Variants in CGN observed in about 807,000 individuals in gnomAD.
CGN encodes the protein cingulin.
CGN carries 121 observed loss-of-function variants against 157.1 expected under a neutral mutation model. That is an observed-to-expected ratio of 0.77 (90% confidence interval 0.66 to 0.90). The LOEUF (loss-of-function observed/expected upper bound fraction) is 0.90, where lower values mean the gene tolerates loss of function less well. CGN is among the 40% of genes least tolerant of loss of function. CGN has a pLI of 0.00. For missense variants in CGN, 1,424 were observed against 1,520.9 expected (o/e 0.94, Z 1.06); for synonymous variants, 535 against 607.5 (o/e 0.88, Z 1.76).
Position 151,524,488 on chromosome 1 carries a change from G to C in CGN, c.1401+130G>C. The C allele has an allele frequency of 7.1e-7, 1 of 1,400,978 alleles. No individual in the cohort carries two copies. The highest frequency in any genetic ancestry group is 1.3e-5 in the South Asian group (1 of 77,232). 86.8% of individuals were successfully genotyped at this position (1,400,978 alleles called of 1,614,324 possible). On this transcript the variant is annotated intron_variant, in intron 7 of 20. Coordinates refer to ENST00000271636, the MANE Select transcript of CGN (RefSeq NM_020770.3). The surrounding 1 kb of genome is among the most constrained non-coding windows in gnomAD (Gnocchi z 4.4). ...ATTACAGGTACTCAGTGTGCTTTCA[G>C]GTAGATTCAATGGTGTGTTGGGACT...
rs1014289206 is a variant in CGN at position 151,511,923 on chromosome 1, C to G, written c.-15+408C>G. Among the ~76,000 whole-genome samples, 8 of 152,288 alleles carry G rather than the reference C, an allele frequency of 5.3e-5. No homozygotes were observed. The highest frequency in any genetic ancestry group is 1.9e-4 in the African/African-American group (8 of 41,568). On this transcript the variant is annotated intron_variant, in intron 1 of 20. Coordinates refer to ENST00000271636, the MANE Select transcript of CGN (RefSeq NM_020770.3). This position sits in a 1 kb window ranked among gnomAD's most constrained non-coding sequence, Gnocchi z 4.8. Reference sequence around the variant, plus strand: ...GAGGTGCAGACTCGCCAGGGGAGGGCATCTGCAGGTGCTGCTCGCCTGAGG... The same window carrying G: ...GAGGTGCAGACTCGCCAGGGGAGGGGATCTGCAGGTGCTGCTCGCCTGAGG...
intron 18 of CGN, 27 bp from the exon 19 acceptor site, chr1:151,536,210 C>G: frequency 7.2e-7 from 1 of 1,393,150 alleles, no homozygotes. Context: ...TGGGGACACT[C>G]ATAGACATTC....
chr1:151,533,846 A>G lies in CGN; in HGVS notation c.2743-129A>G, dbSNP rs556987142. 5.8e-4 allele frequency: 475 copies of G among 818,994 alleles called. 2 individuals carry two copies. In the African/African-American group the frequency reaches 7.6e-3, roughly 13 times the overall value. The allele number at this position is 818,994 out of a possible 1,614,324, so 50.7% of individuals were successfully genotyped here. ...AAAAGTCAGTTTGCTTTTTATTGTCATCATGCCACTGGTAATTCTAAAGAG... is the reference window on the plus strand; with the variant it reads ...AAAAGTCAGTTTGCTTTTTATTGTCGTCATGCCACTGGTAATTCTAAAGAG... On this transcript the variant is annotated intron_variant, in intron 14 of 20. Coordinates refer to ENST00000271636, the MANE Select transcript of CGN (RefSeq NM_020770.3).
chr1:151,515,134 C>G (rs1252965215), intron 1 of CGN, among the ~76,000 whole-genome samples: 1 of 151,888 alleles, frequency 6.6e-6, no homozygotes, highest in Non-Finnish European at 1.5e-5. Flanking sequence ...TCCCCAGTAG[C>G]TGGGATTCCA....
At chr1:151,516,136 G>A (rs1243028624) in intron 1 of CGN, among the ~76,000 whole-genome samples, 1 of 152,144 alleles carries the variant, frequency 6.6e-6, no homozygotes, top group Admixed American at 6.5e-5. Context: ...GTCACCTGTA[G>A]CTCTGCCTCT....
chr1:151,536,946 A>G, intron 20 of CGN, 53 bp downstream of exon 20: 1 of 1,579,726 alleles, frequency 6.3e-7, no homozygotes, highest in Middle Eastern at 2.1e-4. Context: ...GCAGGGAGGG[A>G]ATGGTCTCTC....
rs1193599745 is a variant in CGN at position 151,537,317 on chromosome 1, G to A, written c.3583G>A (p.Glu1195Lys). 6.2e-7 allele frequency: 1 copy of A among 1,614,072 alleles called. No homozygotes were observed. Among genetic ancestry groups the A allele is most frequent in the African/African-American group, 1.3e-5 (1 of 75,026 alleles). Residue 1195 changes from glutamate to lysine, a missense_variant, in exon 21 of 21, where the codon GAG (glutamate) becomes AAG (lysine). By Grantham distance (56) the Glu-to-Lys change is moderately conservative. Coordinates refer to ENST00000271636, the MANE Select transcript of CGN (RefSeq NM_020770.3). ...DPSSIASLLT[E>K]SNLQTSSC is the part of the protein sequence containing the mutation. ...CTCGTCCATTGCATCACTGCTTACG[G>A]AGAGCAACCTACAGACCAGCTCCTG... is the stretch of plus-strand genomic sequence containing the variant.
At chr1:151,537,077 A>T in intron 20 of CGN, 128 bp from the exon 21 acceptor site, 1 of 1,238,592 alleles carries the variant, frequency 8.1e-7, no homozygotes, top group Non-Finnish European at 1.1e-6. Context: ...CCCAAATCTG[A>T]TTAGTTGGGG....
chr1:151,520,208 G>GC lies in CGN; in HGVS notation c.920dup (p.Pro308ThrfsTer23). On this transcript the variant is annotated frameshift_variant, in exon 3 of 21. Transcript: ENST00000271636. LOFTEE classifies it high-confidence loss of function. The stretch of plus-strand genomic sequence containing the variant: ...CCTCCTTCGAGACCAGCAGGAGGCA[G>GC]CCCCACCAGGCAGTGTGGACCATAT... 6.2e-7 allele frequency: 1 copy of GC among 1,613,662 alleles called. No homozygotes were observed. Among genetic ancestry groups the GC allele is most frequent in the Non-Finnish European group, 8.5e-7 (1 of 1,179,924 alleles).
At chr1:151,536,702 A>G in intron 19 of CGN, 28 bp from the exon 20 acceptor site, 1 of 1,612,190 alleles carries the variant, frequency 6.2e-7, no homozygotes, top group South Asian at 1.1e-5. Context: ...GATGCTATTC[A>G]GATGTGTGGA....
In CGN at chr1:151,536,276, G is replaced by A. The variant is rs1441136044; in HGVS notation, c.3237G>A (p.Glu1079=). ...TVLQSTNRKL[E]RKVKELSIQI... is the part of the protein sequence containing the mutation. ...TGCAGTCTACCAATCGAAAACTGGA[G>A]CGGAAAGTTAAAGAACTATCCATCC... Residue 1079 remains glutamate (E), a synonymous_variant, in exon 19 of 21, where the codon GAG becomes GAA. Coordinates refer to ENST00000271636, the MANE Select transcript of CGN (RefSeq NM_020770.3). 1 of 1,612,686 alleles carries A rather than the reference G, an allele frequency of 6.2e-7. No individual in the cohort carries two copies. The highest frequency in any genetic ancestry group is 8.5e-7 in the Non-Finnish European group (1 of 1,178,698).
rs769276476 is a variant in CGN at position 151,527,019 on chromosome 1, T to C, written c.1808T>C (p.Leu603Pro). Residue 603 changes from leucine to proline, a missense_variant, in exon 10 of 21, where the codon CTT becomes CCT. By Grantham distance (98) the Leu-to-Pro change is moderately conservative. Transcript: ENST00000271636. ...RMEKEEMEEELGEKIEVLQRE... is the reference protein window; with the variant it reads ...RMEKEEMEEEPGEKIEVLQRE... ...GAGAAGGAGGAGATGGAAGAGGAGC[T>C]TGGAGAGAAGATAGAGGTCTTGCAG... 1.2e-6 allele frequency: 2 copies of C among 1,614,090 alleles called. No homozygotes were observed. The highest frequency in any genetic ancestry group is 1.7e-5 in the Admixed American group (1 of 60,004).
In CGN at chr1:151,511,426, G is replaced by A; in HGVS notation, c.-104G>A. On this transcript the variant is annotated 5_prime_UTR_variant, in exon 1 of 21. In the 5' UTR this introduces an upstream ATG that the reference lacks. Coordinates refer to ENST00000271636, the MANE Select transcript of CGN (RefSeq NM_020770.3). The surrounding 1 kb of genome is among the most constrained non-coding windows in gnomAD (Gnocchi z 4.8). Reference sequence around the variant, plus strand: ...ACGAGGGGGAGGGCCGGAGCTGCGCGTGCTGCTTTGCCCGAGCCCGAGCCC... The same window carrying A: ...ACGAGGGGGAGGGCCGGAGCTGCGCATGCTGCTTTGCCCGAGCCCGAGCCC... The A allele has an allele frequency of 7.4e-6, 1 of 135,452 alleles. No homozygotes were observed. The highest frequency in any genetic ancestry group is 1.5e-5 in the Non-Finnish European group (1 of 65,870). The allele number at this position is 135,452 out of a possible 1,614,324, so 8.4% of individuals were successfully genotyped here. A position where few individuals can be genotyped will look rare whatever the true frequency, so the allele number is the denominator to read the frequency against.
intron 10 of CGN, 136 bp from the exon 11 acceptor site, chr1:151,529,214 A>C: frequency 1.5e-6 from 1 of 676,000 alleles, no homozygotes; most frequent in Non-Finnish European, 2.5e-6. Context: ...ACTTTTTGAG[A>C]AACTGCCAAA....
At chr1:151,526,377 A>G (rs987235279) in intron 9 of CGN, among the ~76,000 whole-genome samples, 1 of 150,688 alleles carries the variant, frequency 6.6e-6, no homozygotes, top group African/African-American at 2.5e-5. Flanking sequence ...GGGTTTCACC[A>G]TATTGGCCAG....
rs201806613 is a variant in CGN, at chr1:151,520,686, G to T, written c.1135G>T (p.Val379Leu). ...GCTACAGCGAAAGCTGGATGAAGAG[G>T]TGAAGGTAAGGAAAGGTTAGAGGTG... is the stretch of plus-strand genomic sequence containing the variant. ...EELQRKLDEE[V>L]KKRQKLEPSQ... is the part of the protein sequence containing the mutation. The change falls in exon 5 of 21, where the codon GTG (valine) becomes TTG (leucine). Residue 379 changes from valine (V) to leucine (L), a missense_variant. Around this residue, in one of 3 missense-constraint regions of CGN, gnomAD observed 1,187 missense variants for 1,217.6 expected, o/e 0.97. Transcript: ENST00000271636. 2.5e-6 allele frequency: 4 copies of T among 1,613,010 alleles called. No individual in the cohort carries two copies. In the African/African-American group the frequency reaches 5.3e-5, roughly 22 times the overall value.
In CGN at chr1:151,529,440, G is replaced by A; in HGVS notation, c.1987G>A (p.Glu663Lys). The stretch of plus-strand genomic sequence containing the variant: ...TGGGCGACACCGGGACCGGGAGTTG[G>A]AGAAGCAGCTGGCGGTCCTGAGGGT... ...VAGRHRDREL[E>K]KQLAVLRVEA... Residue 663 changes from glutamate (E) to lysine (K), a missense_variant, in exon 11 of 21, where the codon GAG (glutamate) becomes AAG (lysine). By Grantham distance (56) the Glu-to-Lys change is moderately conservative. This residue lies in a region of CGN where 1,187 missense variants were observed against 1,217.6 expected (regional missense o/e 0.97). Transcript: ENST00000271636. 6.2e-7 allele frequency: 1 copy of A among 1,613,924 alleles called. No homozygotes were observed. The highest frequency in any genetic ancestry group is 8.5e-7 in the Non-Finnish European group (1 of 1,179,944).
chr1:151,527,196 A>C, intron 10 of CGN, 89 bp downstream of exon 10: 1 of 1,456,746 alleles, frequency 6.9e-7, no homozygotes, highest in Non-Finnish European at 9.6e-7. Context: ...TAGTGGGGCT[A>C]TCTCCTGTGT....
intron 5 of CGN, among the ~76,000 whole-genome samples, chr1:151,521,522 C>G (rs192526060): frequency 6.6e-6 from 1 of 152,280 alleles, no homozygotes; most frequent in East Asian, 1.9e-4. Context: ...TGCTGTGTAA[C>G]AAATTACCCA....
Sources: gnomAD v4.1 joint callset for allele counts (sites outside exome capture counted in the v4.1 genomes callset) on GRCh38, gnomAD v4.1.1 for gene constraint, gnomAD v4.1.1 regional missense constraint, Gnocchi (gnomAD v3.1) non-coding constraint, MANE v1.5 for transcripts, NCBI Gene and HGNC (gene_info 2026-07-23, HGNC 2026-07-21) for gene names.